DOK6: variants seen among roughly 807,000 people sequenced by gnomAD.
DOK6 encodes the protein downstream of tyrosine kinase 6.
DOK6 carries 22 observed loss-of-function variants against 44.0 expected under a neutral mutation model. That is an observed-to-expected ratio of 0.50 (90% CI 0.36 to 0.71). DOK6 has a LOEUF of 0.71. Among genes scored for constraint, DOK6 ranks in the 30% least tolerant of loss-of-function variants. The probability of loss-of-function intolerance (pLI) is 0.00; values close to 1 mark genes in which losing one functional copy is unlikely to be tolerated. For synonymous variants in DOK6, 166 were observed against 145.5 expected (o/e 1.14, Z -1.01); for missense variants, 340 against 416.4 (o/e 0.82, Z 1.60).
At chr18:69,688,082 T>C (rs1162212384) in intron 4 of DOK6, among the ~76,000 whole-genome samples, 1 of 152,034 alleles carries the variant, frequency 6.6e-6, no homozygotes, top group Non-Finnish European at 1.5e-5. Flanking sequence ...AATATTAAAA[T>C]ACCTTTTATA....
At chr18:69,545,440 G>T (rs11151510) in intron 1 of DOK6, among the ~76,000 whole-genome samples, 1 of 145,590 alleles carries the variant, frequency 6.9e-6, no homozygotes, top group Admixed American at 7.0e-5. Context: ...AGCCATGTGT[G>T]TATTTTCTCC....
chr18:69,493,039 C>T (rs903999103), intron 1 of DOK6, among the ~76,000 whole-genome samples: 1 of 151,902 alleles, frequency 6.6e-6, no homozygotes, highest in African/African-American at 2.4e-5. Flanking sequence ...AAAATATTAG[C>T]TATCACATCT....
chr18:69,558,417 T>G (rs1982743006), intron 1 of DOK6, among the ~76,000 whole-genome samples: 1 of 152,094 alleles, frequency 6.6e-6, no homozygotes, highest in Admixed American at 6.6e-5. Flanking sequence ...AAAAGCAAAA[T>G]ACTTTGAAAA....
At chr18:69,793,460 A>G (rs1367468982) in intron 7 of DOK6, among the ~76,000 whole-genome samples, 2 of 152,196 alleles carry the variant, frequency 1.3e-5, no homozygotes, top group African/African-American at 4.8e-5. Flanking sequence ...AGAGTTTCAT[A>G]AAGTGACAAT....
chr18:69,584,778 T>A (rs1004599038), intron 2 of DOK6, among the ~76,000 whole-genome samples: 1 of 149,604 alleles, frequency 6.7e-6, no homozygotes, highest in Non-Finnish European at 1.5e-5. Flanking sequence ...TCAAGTTTTC[T>A]GTTTTTTTTT....
intron 2 of DOK6, among the ~76,000 whole-genome samples, chr18:69,572,245 C>T (rs564182959): frequency 3.9e-4 from 59 of 152,140 alleles, no homozygotes; most frequent in African/African-American, 1.0e-3. Context: ...TGTGTAAAAA[C>T]GGACAGGACT....
chr18:69,477,241 G>A (rs2144527298), intron 1 of DOK6, among the ~76,000 whole-genome samples: 1 of 152,308 alleles, frequency 6.6e-6, no homozygotes, highest in African/African-American at 2.4e-5. Context: ...GCCCACAAGT[G>A]TGGAAGCAGG....
chr18:69,701,203 G>A (rs1041125216), intron 5 of DOK6, among the ~76,000 whole-genome samples: 1 of 152,216 alleles, frequency 6.6e-6, no homozygotes, highest in Non-Finnish European at 1.5e-5. Flanking sequence ...GTCTCAAGGA[G>A]CACTCACCTA....
intron 1 of DOK6, among the ~76,000 whole-genome samples, chr18:69,559,395 A>G (rs1324149711): frequency 6.6e-6 from 1 of 152,154 alleles, no homozygotes; most frequent in Non-Finnish European, 1.5e-5. Context: ...CAAAAAGACA[A>G]CAACTATATT....
intron 4 of DOK6, among the ~76,000 whole-genome samples, chr18:69,697,017 G>T (rs1986403869): frequency 1.3e-5 from 2 of 152,144 alleles, no homozygotes; most frequent in African/African-American, 4.8e-5. Context: ...TAATCTAAAA[G>T]ACTGAATTAT....
intron 3 of DOK6, among the ~76,000 whole-genome samples, chr18:69,612,453 GCGAGCGTGCATATGTA>G (rs1984175882): frequency 4.1e-5 from 6 of 146,498 alleles, no homozygotes; most frequent in Admixed American, 6.7e-5. Context: ...GCGCATGTGT[GCGAGCGTGCATATGTA>G]TTTCTTGCTC....
At chr18:69,461,677 C>T (rs1979792113) in intron 1 of DOK6, among the ~76,000 whole-genome samples, 1 of 152,182 alleles carries the variant, frequency 6.6e-6, no homozygotes, top group African/African-American at 2.4e-5. Context: ...CCTCTTTAAA[C>T]CTAATATTAA....
intron 4 of DOK6, among the ~76,000 whole-genome samples, chr18:69,693,916 G>T (rs946643944): frequency 6.6e-6 from 1 of 151,554 alleles, no homozygotes; most frequent in East Asian, 1.9e-4. Flanking sequence ...AAAATTAGCC[G>T]GGCGTGGTGG....
At chr18:69,665,980 A>T (rs1568327186) in intron 3 of DOK6, among the ~76,000 whole-genome samples, 1 of 152,124 alleles carries the variant, frequency 6.6e-6, no homozygotes, top group Non-Finnish European at 1.5e-5. Flanking sequence ...TGACTCTGAG[A>T]TGCTTTCAAC....
intron 3 of DOK6, among the ~76,000 whole-genome samples, chr18:69,604,390 C>T (rs1237558024): frequency 6.6e-6 from 1 of 152,164 alleles, no homozygotes; most frequent in East Asian, 1.9e-4. Flanking sequence ...AAGGGCTCTT[C>T]ATTAGGATAA....
chr18:69,578,372 T>C (rs1179528516), intron 2 of DOK6, among the ~76,000 whole-genome samples: 1 of 152,208 alleles, frequency 6.6e-6, no homozygotes, highest in Non-Finnish European at 1.5e-5. Context: ...AAAATGATTG[T>C]TGTGTAAAAG....
chr18:69,491,909 C>T (rs535731161), intron 1 of DOK6, among the ~76,000 whole-genome samples: 3 of 152,208 alleles, frequency 2.0e-5, no homozygotes, highest in African/African-American at 4.8e-5. Flanking sequence ...TAGACATTAC[C>T]GCTGAGTAAA....
At chr18:69,789,636 A>T (rs953972011) in intron 7 of DOK6, among the ~76,000 whole-genome samples, 11 of 152,212 alleles carry the variant, frequency 7.2e-5, no homozygotes, top group African/African-American at 2.7e-4. Flanking sequence ...AGATGACATT[A>T]AAAAGAAACT....
intron 1 of DOK6, among the ~76,000 whole-genome samples, chr18:69,448,200 A>G (rs563866740): frequency 6.6e-6 from 1 of 152,208 alleles, no homozygotes; most frequent in African/African-American, 2.4e-5. Flanking sequence ...ACTTCATTAA[A>G]CTTTCACCAG....
Sources: allele counts gnomAD v4.1 joint callset (sites outside exome capture counted in the v4.1 genomes callset), GRCh38; gene constraint gnomAD v4.1.1; transcripts MANE v1.5; gene names NCBI Gene and HGNC (gene_info 2026-07-23, HGNC 2026-07-21).